ZZZ3: variants seen among roughly 807,000 people sequenced by gnomAD.
ZZZ3 encodes the protein ZZ-type zinc finger-containing protein 3.
ZZZ3 carries 22 observed loss-of-function variants against 95.2 expected under a neutral mutation model. The ratio of observed to expected loss-of-function variants is 0.23; its 90% CI spans 0.17 to 0.33. The LOEUF (loss-of-function observed/expected upper bound fraction) is 0.33, where lower values mean the gene tolerates loss of function less well. Among genes scored for constraint, ZZZ3 ranks in the 10% least tolerant of loss-of-function variants. The pLI is 1.00. For synonymous variants in ZZZ3, 335 were observed against 358.9 expected (o/e 0.93, Z 0.75); for missense variants, 885 against 1,066.5 (o/e 0.83, Z 2.37).
At position 77,563,267 on chromosome 1, in the gene ZZZ3, C is replaced by G. The variant is rs574143476; in HGVS notation, c.*2373G>C. On this transcript the variant is annotated 3_prime_UTR_variant, in exon 15 of 15. Coordinates refer to ENST00000370801, the MANE Select transcript of ZZZ3 (RefSeq NM_015534.6). ...GTAGGTCTTTTACAGTCTGTTTTAGCTTACAGTCCAATAATTCTATGTAGG... is the reference window on the plus strand; with the variant it reads ...GTAGGTCTTTTACAGTCTGTTTTAGGTTACAGTCCAATAATTCTATGTAGG... 4 of 152,292 alleles carry G rather than the reference C, an allele frequency of 2.6e-5. No homozygotes were observed. The East Asian group carries it at 7.7e-4, about 29-fold the overall frequency. 9.4% of individuals were successfully genotyped at this position (152,292 alleles called of 1,614,324 possible).
In ZZZ3 at chr1:77,581,898, A is replaced by C. The variant is rs200226861; in HGVS notation, c.1793-7T>G. 1.9e-3 allele frequency: 3,068 copies of C among 1,611,192 alleles called. 5 individuals carry two copies. The highest frequency in any genetic ancestry group is 2.4e-3 in the Non-Finnish European group (2,784 of 1,177,948). On this transcript the variant is annotated splice_polypyrimidine_tract_variant and splice_region_variant and intron_variant, in intron 7 of 14. Coordinates refer to ENST00000370801, the MANE Select transcript of ZZZ3 (RefSeq NM_015534.6). ...GGTCTAGCAGGTAAACCTACTGAAA[A>C]ATAAGACCACATACAGAACTGTTAA... is the stretch of plus-strand genomic sequence containing the variant.
At chr1:77,604,325 G>GT (rs1434334646) in intron 5 of ZZZ3, among the ~76,000 whole-genome samples, 3 of 152,134 alleles carry the variant, frequency 2.0e-5, no homozygotes, top group African/African-American at 7.2e-5. Flanking sequence ...CCACTACACT[G>GT]TATCATTCTT....
chr1:77,563,364 A>G lies in ZZZ3; in HGVS notation c.*2276T>C, dbSNP rs1017619839. 6.6e-6 allele frequency: 1 copy of G among 152,188 alleles called. No individual in the cohort carries two copies. The highest frequency in any genetic ancestry group is 1.5e-5 in the Non-Finnish European group (1 of 68,032). 9.4% of individuals were successfully genotyped at this position (152,188 alleles called of 1,614,324 possible). On this transcript the variant is annotated 3_prime_UTR_variant, in exon 15 of 15. Coordinates refer to ENST00000370801, the MANE Select transcript of ZZZ3 (RefSeq NM_015534.6). ...CAACTCTCAAATTAAAACAATAACA[A>G]AACACTACCTACTACTATCTGAACT...
chr1:77,653,185 A>AG (rs1020811106), intron 1 of ZZZ3, among the ~76,000 whole-genome samples: 1 of 151,448 alleles, frequency 6.6e-6, no homozygotes, highest in African/African-American at 2.4e-5. Flanking sequence ...AGATTCTGAA[A>AG]GAAAAAAAAG....
At chr1:77,623,382 A>T (rs1176132838) in intron 5 of ZZZ3, among the ~76,000 whole-genome samples, 3 of 152,166 alleles carry the variant, frequency 2.0e-5, no homozygotes, top group Non-Finnish European at 2.9e-5. Flanking sequence ...ACATAAGATG[A>T]GACTCCACAA....
intron 1 of ZZZ3, among the ~76,000 whole-genome samples, chr1:77,674,224 T>C (rs1033703758): frequency 1.3e-5 from 2 of 152,144 alleles, no homozygotes; most frequent in African/African-American, 4.8e-5. Flanking sequence ...AATGTCTAAG[T>C]GTTGAGATCT....
At chr1:77,572,934 C>A (rs1019813349) in intron 12 of ZZZ3, among the ~76,000 whole-genome samples, 3 of 152,030 alleles carry the variant, frequency 2.0e-5, no homozygotes, top group Non-Finnish European at 2.9e-5. Flanking sequence ...CTGTGAGCCA[C>A]CACACCTAGC....
At position 77,583,020 on chromosome 1, in the gene ZZZ3, T is replaced by G. The variant is rs368648287; in HGVS notation, c.1645-894A>C. Among the ~76,000 whole-genome samples, 34 of 152,002 alleles carry G rather than the reference T, an allele frequency of 2.2e-4. No individual in the cohort carries two copies. The East Asian group carries it at 3.9e-3, about 17-fold the overall frequency. ...CTCAGGAGGCTGAGGCAGAAGAATC[T>G]GTTGAACCTGGGAGGCGGAAGTTAC... On this transcript the variant is annotated intron_variant, in intron 6 of 14. Transcript: ENST00000370801.
intron 1 of ZZZ3, among the ~76,000 whole-genome samples, chr1:77,660,258 T>A (rs1670667381): frequency 6.6e-6 from 1 of 152,192 alleles, no homozygotes; most frequent in Non-Finnish European, 1.5e-5. Context: ...GTCATCTTAA[T>A]CATTTTTAAG....
At chr1:77,572,702 T>A (rs985706348) in intron 12 of ZZZ3, among the ~76,000 whole-genome samples, 3 of 152,074 alleles carry the variant, frequency 2.0e-5, no homozygotes, top group African/African-American at 4.8e-5. Flanking sequence ...AGTGGCGTCA[T>A]CCAGGTTCAC....
At chr1:77,660,152 G>A (rs1670657777) in intron 1 of ZZZ3, among the ~76,000 whole-genome samples, 2 of 152,200 alleles carry the variant, frequency 1.3e-5, no homozygotes, top group Middle Eastern at 3.4e-3. Context: ...TTTCTAGCAG[G>A]TAAAGAAGAG....
At chr1:77,600,114 G>A (rs1664589779) in intron 5 of ZZZ3, among the ~76,000 whole-genome samples, 1 of 114,540 alleles carries the variant, frequency 8.7e-6, no homozygotes, top group Admixed American at 1.0e-4. Context: ...ATATGTATAT[G>A]TCCCTATAAG....
At chr1:77,633,710 G>A (rs371644403) in intron 4 of ZZZ3, among the ~76,000 whole-genome samples, 9 of 151,956 alleles carry the variant, frequency 5.9e-5, no homozygotes, top group East Asian at 3.9e-4. Flanking sequence ...CCTACTTCAC[G>A]AATGAGATTA....
rs1408579074 is a variant in ZZZ3 at position 77,562,972 on chromosome 1, T to C, written c.*2668A>G. On this transcript the variant is annotated 3_prime_UTR_variant, in exon 15 of 15. Coordinates refer to ENST00000370801, the MANE Select transcript of ZZZ3 (RefSeq NM_015534.6). Reference sequence around the variant, plus strand: ...GTTAATTAACTTCTCTCTGGCGAGATTTCCTCATATGACAACAGGATAATA... The same window carrying C: ...GTTAATTAACTTCTCTCTGGCGAGACTTCCTCATATGACAACAGGATAATA... The C allele has an allele frequency of 6.6e-6, 1 of 152,244 alleles. No homozygotes were observed. Among genetic ancestry groups the C allele is most frequent in the African/African-American group, 2.4e-5 (1 of 41,452 alleles). 9.4% of individuals were successfully genotyped at this position (152,244 alleles called of 1,614,324 possible).
intron 1 of ZZZ3, among the ~76,000 whole-genome samples, chr1:77,680,380 T>A (rs1386392476): frequency 2.0e-5 from 3 of 152,180 alleles, no homozygotes; most frequent in African/African-American, 7.2e-5. Flanking sequence ...TCCTCTTTTC[T>A]CCCCAACTTG....
chr1:77,587,077 T>C (rs1356452734), intron 5 of ZZZ3, among the ~76,000 whole-genome samples: 3 of 152,102 alleles, frequency 2.0e-5, no homozygotes, highest in Non-Finnish European at 2.9e-5. Context: ...GGAGTCTAAG[T>C]GTAATAGAGG....
intron 1 of ZZZ3, among the ~76,000 whole-genome samples, chr1:77,675,265 C>T (rs1672152998): frequency 6.6e-6 from 1 of 152,112 alleles, no homozygotes; most frequent in Non-Finnish European, 1.5e-5. Context: ...TTATGAAACA[C>T]ATCAATCTGC....
chr1:77,593,889 T>C (rs550343047), intron 5 of ZZZ3, among the ~76,000 whole-genome samples: 1 of 152,302 alleles, frequency 6.6e-6, no homozygotes, highest in South Asian at 2.1e-4. Flanking sequence ...TCATTAAACC[T>C]TGGGTCTTGC....
intron 13 of ZZZ3, 93 bp from the exon 14 acceptor site, chr1:77,566,274 ATCT>A (rs1174674799): frequency 7.4e-6 from 6 of 812,672 alleles, no homozygotes; most frequent in East Asian, 2.8e-5. Context: ...GCACACAGAC[ATCT>A]TCTCTTCTCT....
Sources: allele counts gnomAD v4.1 joint callset (sites outside exome capture counted in the v4.1 genomes callset), GRCh38; gene constraint gnomAD v4.1.1; transcripts MANE v1.5; gene names NCBI Gene and HGNC (gene_info 2026-07-23, HGNC 2026-07-21).